Variants in HDAC9 observed in about 807,000 individuals in gnomAD.
HDAC9 encodes histone deacetylase 9.
In HDAC9, 41 loss-of-function variants were observed where a neutral mutation model predicts 139.4. The observed-to-expected ratio is 0.29, with a 90% CI of 0.23 to 0.38. The LOEUF (loss-of-function observed/expected upper bound fraction) is 0.38, where lower values mean the gene tolerates loss of function less well. HDAC9 is among the 10% of genes least tolerant of loss of function. The pLI is 1.00. For synonymous variants in HDAC9, 517 were observed against 476.2 expected (o/e 1.09, Z -1.12); for missense variants, 1,147 against 1,297.0 (o/e 0.88, Z 1.78).
At chr7:18,259,200 C>A (rs553919172) in intron 2 of HDAC9, among the ~76,000 whole-genome samples, 3 of 152,028 alleles carry the variant, frequency 2.0e-5, no homozygotes, top group Admixed American at 6.5e-5. Flanking sequence ...AACTCCTGGC[C>A]TCAAGTGATC....
At chr7:18,579,571 G>A (rs1827129059) in intron 2 of HDAC9, among the ~76,000 whole-genome samples, 1 of 152,092 alleles carries the variant, frequency 6.6e-6, no homozygotes, top group Admixed American at 6.6e-5. Flanking sequence ...TTCATATGTC[G>A]CATTGCCAGT....
intron 1 of HDAC9, among the ~76,000 whole-genome samples, chr7:18,338,424 G>A (rs915624227): frequency 6.6e-6 from 1 of 151,562 alleles, no homozygotes. Context: ...CTCAAGGTAC[G>A]TAGCAGGTAC....
At chr7:18,691,367 G>C (rs991120463) in intron 12 of HDAC9, among the ~76,000 whole-genome samples, 2 of 152,004 alleles carry the variant, frequency 1.3e-5, no homozygotes, top group African/African-American at 4.8e-5. Flanking sequence ...CTGAGAGGTT[G>C]GTGGGTCACT....
chr7:18,659,116 A>G (rs1334932260), intron 11 of HDAC9, among the ~76,000 whole-genome samples: 1 of 152,122 alleles, frequency 6.6e-6, no homozygotes, highest in African/African-American at 2.4e-5. Flanking sequence ...TTCTTACATG[A>G]TCCTGTTCTT....
chr7:18,302,022 G>A (rs1798572041), intron 1 of HDAC9, among the ~76,000 whole-genome samples: 1 of 152,172 alleles, frequency 6.6e-6, no homozygotes, highest in Admixed American at 6.5e-5. Context: ...GAAGTCATAT[G>A]TGTGGTTCTT....
In HDAC9 at chr7:18,634,725, C is replaced by G; in HGVS notation, c.895C>G (p.Pro299Ala). ...TGAAAATGAGACTTCGGTTTTGCCC[C>G]CTACCCCTCATGCCGAGGTAAGACC... ...VTENETSVLP[P>A]TPHAEQMVSQ... The change falls in exon 8 of 26, where the codon CCT becomes GCT. Residue 299 changes from proline to alanine, a missense_variant. This residue lies in a region of HDAC9 where 264 missense variants were observed against 273.8 expected (regional missense o/e 0.96). Transcript: ENST00000686413. 3 of 1,594,292 alleles carry G rather than the reference C, an allele frequency of 1.9e-6. No homozygotes were observed. Among genetic ancestry groups the G allele is most frequent in the Non-Finnish European group, 2.6e-6 (3 of 1,169,036 alleles).
At chr7:18,642,662 A>G (rs975123603) in intron 8 of HDAC9, among the ~76,000 whole-genome samples, 3 of 152,104 alleles carry the variant, frequency 2.0e-5, no homozygotes, top group Admixed American at 1.3e-4. Context: ...TTTATAGGAA[A>G]CTACAAAGAT....
chr7:18,720,591 T>C (rs1219860356), intron 12 of HDAC9, among the ~76,000 whole-genome samples: 4 of 151,464 alleles, frequency 2.6e-5, no homozygotes, highest in Non-Finnish European at 5.9e-5. Context: ...CTTATGAATA[T>C]ATGACCTGAA....
chr7:18,231,956 C>T (rs1266163687), intron 2 of HDAC9, among the ~76,000 whole-genome samples: 1 of 152,034 alleles, frequency 6.6e-6, no homozygotes, highest in African/African-American at 2.4e-5. Context: ...AAGATACAAA[C>T]TGAAAAATGA....
chr7:18,237,448 C>T (rs116976641), intron 2 of HDAC9, among the ~76,000 whole-genome samples: 2,401 of 151,966 alleles, frequency 0.016, 23 homozygotes, highest in Non-Finnish European at 0.021. Flanking sequence ...TTGGTTATTT[C>T]GAATAAATGG....
rs1788177906 is a variant in HDAC9, at chr7:18,648,519, C to T, written c.1303C>T (p.Pro435Ser). 1 of 1,613,428 alleles carries T rather than the reference C, an allele frequency of 6.2e-7. No homozygotes were observed. The highest frequency in any genetic ancestry group is 8.5e-7 in the Non-Finnish European group (1 of 1,179,734). ...CTTGGCAACAAAAGAGAGAATTTCA[C>T]CTGGCATTAGAGGTACCCACAAATT... ...SPLATKERIS[P>S]GIRGTHKLPR... Residue 435 changes from proline to serine, a missense_variant, in exon 11 of 26, where the codon CCT (proline) becomes TCT (serine). Transcript: ENST00000686413.
At chr7:18,386,610 C>T (rs552373319) in intron 1 of HDAC9, among the ~76,000 whole-genome samples, 17 of 152,160 alleles carry the variant, frequency 1.1e-4, no homozygotes, top group Non-Finnish European at 1.5e-4. Context: ...ACAAGAACAT[C>T]GCATGTAACA....
intron 17 of HDAC9, among the ~76,000 whole-genome samples, chr7:18,824,377 G>A (rs1795253290): frequency 6.6e-6 from 1 of 152,282 alleles, no homozygotes; most frequent in East Asian, 1.9e-4. Flanking sequence ...AAGTGTATAT[G>A]CAAGGAAGTA....
intron 21 of HDAC9, among the ~76,000 whole-genome samples, chr7:18,839,366 C>A (rs1796441881): frequency 6.6e-6 from 1 of 152,030 alleles, no homozygotes; most frequent in Non-Finnish European, 1.5e-5. Flanking sequence ...CATTGCTACT[C>A]TCTTCTGTTT....
At chr7:18,769,670 G>A (rs960404335) in intron 16 of HDAC9, among the ~76,000 whole-genome samples, 18 of 152,158 alleles carry the variant, frequency 1.2e-4, no homozygotes, top group Admixed American at 9.8e-4. Context: ...AAGTCTTCTT[G>A]CCCTCTCAGA....
In HDAC9 at chr7:18,590,340, A is replaced by G. The variant is rs1830595834; in HGVS notation, c.269A>G (p.Gln90Arg). ...ATGTCTTTCTCTTCTCGCAAGTTGCAACAGGAACTTCTAGCCATAAAACAG... is the reference window on the plus strand; with the variant it reads ...ATGTCTTTCTCTTCTCGCAAGTTGCGACAGGAACTTCTAGCCATAAAACAG... The part of the protein sequence containing the change: ...QAQLQEHIKL[Q>R]QELLAIKQQQ... The change falls in exon 4 of 26, where the codon CAA (glutamine) becomes CGA (arginine). Residue 90 changes from glutamine (Q) to arginine (R), a missense_variant. By Grantham distance (43) the Gln-to-Arg change is conservative. Transcript: ENST00000686413. The G allele has an allele frequency of 6.2e-7, 1 of 1,612,412 alleles. No homozygotes were observed. The highest frequency in any genetic ancestry group is 8.5e-7 in the Non-Finnish European group (1 of 1,179,302).
At chr7:18,677,961 A>G (rs1482043674) in intron 12 of HDAC9, among the ~76,000 whole-genome samples, 1 of 151,866 alleles carries the variant, frequency 6.6e-6, no homozygotes, top group Non-Finnish European at 1.5e-5. Flanking sequence ...TAAATGAAAG[A>G]GCAATTTTGA....
At chr7:18,927,344 G>C (rs1804324543) in intron 22 of HDAC9, among the ~76,000 whole-genome samples, 1 of 152,096 alleles carries the variant, frequency 6.6e-6, no homozygotes, top group Non-Finnish European at 1.5e-5. Flanking sequence ...ATCAGATTCT[G>C]CTTTGAAGTC....
intron 1 of HDAC9, among the ~76,000 whole-genome samples, chr7:18,464,720 T>C (rs1252489708): frequency 6.6e-6 from 1 of 152,036 alleles, no homozygotes; most frequent in African/African-American, 2.4e-5. Flanking sequence ...GTCTTTTATG[T>C]TATCTAGGAA....
Sources: allele counts gnomAD v4.1 joint callset (sites outside exome capture counted in the v4.1 genomes callset), GRCh38; gene constraint gnomAD v4.1.1; regional missense constraint gnomAD v4.1.1; transcripts MANE v1.5; gene names NCBI Gene and HGNC (gene_info 2026-07-23, HGNC 2026-07-21).